POLE: variants seen among roughly 807,000 people sequenced by gnomAD.
The protein encoded by POLE is DNA polymerase epsilon, catalytic subunit, also known as DNA polymerase epsilon catalytic subunit A.
A neutral mutation model predicts 279.2 loss-of-function variants in POLE; 188 were observed. That is an observed-to-expected ratio of 0.67 (90% CI 0.60 to 0.76). POLE has a LOEUF of 0.76. Ranked by LOEUF, POLE falls within the 30% of genes least tolerant of loss-of-function variation. POLE has a pLI of 0.00. For missense variants in POLE, 2,703 were observed against 3,016.7 expected (o/e 0.90, Z 2.44); for synonymous variants, 1,214 against 1,172.5 (o/e 1.04, Z -0.72).
intron 45 of POLE, among the ~76,000 whole-genome samples, chr12:132,628,827 C>T (rs993176581): frequency 2.0e-5 from 3 of 152,214 alleles, no homozygotes; most frequent in East Asian, 1.9e-4. Flanking sequence ...TCTGCAGTCA[C>T]GCCTCCCACA....
At chr12:132,630,098 T>C (rs2041908337) in intron 45 of POLE, among the ~76,000 whole-genome samples, 1 of 152,202 alleles carries the variant, frequency 6.6e-6, no homozygotes, top group African/African-American at 2.4e-5. Context: ...GCACGGTTCA[T>C]GGCGCCCCAA....
intron 2 of POLE, 59 bp downstream of exon 2, chr12:132,681,079 C>T (rs951289177): frequency 2.3e-5 from 37 of 1,595,228 alleles, no homozygotes; most frequent in South Asian, 2.2e-4. Flanking sequence ...ATAAGGACCA[C>T]GCTATGACCA....
rs765593739 is a variant in POLE at position 132,677,622 on chromosome 12, C to T, written c.676G>A (p.Val226Ile). 1.2e-6 allele frequency: 2 copies of T among 1,614,208 alleles called. No individual in the cohort carries two copies. The highest frequency in any genetic ancestry group is 1.7e-6 in the Non-Finnish European group (2 of 1,180,032). Residue 226 changes from valine to isoleucine, a missense_variant, in exon 7 of 49, where the codon GTT becomes ATT. This residue lies in a region of POLE where 1,011 missense variants were observed against 1,111.7 expected (regional missense o/e 0.91). Coordinates refer to ENST00000320574, the MANE Select transcript of POLE (RefSeq NM_006231.4). ...DNIVDMREYDVPYHIRLSIDL... is the reference protein window; with the variant it reads ...DNIVDMREYDIPYHIRLSIDL... Reference sequence around the variant, plus strand: ...ATGGAGAGGCGGATGTGGTAGGGAACATCGTACTCGCGCATGTCCACAATG... The same window carrying T: ...ATGGAGAGGCGGATGTGGTAGGGAATATCGTACTCGCGCATGTCCACAATG...
At chr12:132,631,919 C>CAGAA (rs967056649) in intron 45 of POLE, among the ~76,000 whole-genome samples, 3 of 152,216 alleles carry the variant, frequency 2.0e-5, no homozygotes, top group African/African-American at 7.2e-5. Flanking sequence ...GGCCCTCTCC[C>CAGAA]TTCTCGGGTC....
At chr12:132,657,462 C>T in intron 27 of POLE, 33 bp from the exon 28 acceptor site, 2 of 1,587,336 alleles carry the variant, frequency 1.3e-6, no homozygotes. Flanking sequence ...CAGAGAACAG[C>T]AGGTGGCAGC....
At position 132,639,797 on chromosome 12, in the gene POLE, C is replaced by T. The variant is rs1480556216; in HGVS notation, c.5379-499G>A. Among the ~76,000 whole-genome samples, 1 of 152,080 alleles carries T rather than the reference C, an allele frequency of 6.6e-6. No individual in the cohort carries two copies. Among genetic ancestry groups the T allele is most frequent in the Non-Finnish European group, 1.5e-5 (1 of 68,006 alleles). The stretch of plus-strand genomic sequence containing the variant: ...TGAAACCCCGTCTCTATTAAAAATA[C>T]AAAAATTAGCTGGGCTAGTGCATGC... On this transcript the variant is annotated intron_variant, in intron 39 of 48. Coordinates refer to ENST00000320574, the MANE Select transcript of POLE (RefSeq NM_006231.4). This position sits in a 1 kb window ranked among gnomAD's most constrained non-coding sequence, Gnocchi z 4.7.
At chr12:132,670,462 T>C (rs2042899985) in intron 16 of POLE, among the ~76,000 whole-genome samples, 1 of 151,364 alleles carries the variant, frequency 6.6e-6, no homozygotes, top group Admixed American at 6.6e-5. Context: ...TTGGCCAGGC[T>C]GGTCTCAAAC....
intron 1 of POLE, among the ~76,000 whole-genome samples, chr12:132,686,458 G>A (rs575206778): frequency 6.6e-6 from 1 of 152,164 alleles, no homozygotes; most frequent in South Asian, 2.1e-4. Flanking sequence ...AGAAGGGCCG[G>A]GCGCGGAGTC....
rs1203076039 is a variant in POLE at position 132,623,845 on chromosome 12, G to A, written c.*852C>T. 2 of 195,794 alleles carry A rather than the reference G, an allele frequency of 1.0e-5. No homozygotes were observed. Among genetic ancestry groups the A allele is most frequent in the African/African-American group, 4.6e-5 (2 of 43,178 alleles). The allele number at this position is 195,794 out of a possible 1,614,324, so 12.1% of individuals were successfully genotyped here. On this transcript the variant is annotated 3_prime_UTR_variant, in exon 49 of 49. Coordinates refer to ENST00000320574, the MANE Select transcript of POLE (RefSeq NM_006231.4). ...TAGATGGCAGGGACAAACTAAGGCTGGCTCTGGGCCAAAGACACGAGCCTC... is the reference window on the plus strand; with the variant it reads ...TAGATGGCAGGGACAAACTAAGGCTAGCTCTGGGCCAAAGACACGAGCCTC...
At position 132,687,245 on chromosome 12, in the gene POLE, GC is replaced by G; in HGVS notation, c.62+8del. 1 of 1,479,506 alleles carries G rather than the reference GC, an allele frequency of 6.8e-7. No homozygotes were observed. 91.6% of individuals were successfully genotyped at this position (1,479,506 alleles called of 1,614,324 possible). On this transcript the variant is annotated splice_region_variant and intron_variant, in intron 1 of 48. Transcript: ENST00000320574. ...GCCGGCCCGAGAGCCTCAGGAGGGC[GC>G]CCCTCACCTGCTGGCCTCGCCATCC...
chr12:132,624,607 T>C lies in POLE; in HGVS notation c.*90A>G, dbSNP rs79419148. On this transcript the variant is annotated 3_prime_UTR_variant, in exon 49 of 49. Coordinates refer to ENST00000320574, the MANE Select transcript of POLE (RefSeq NM_006231.4). Reference sequence around the variant, plus strand: ...TCACAGGTTTGGACAGTCAGGGTGGTCAGTGGTCTGGTCACTGGAAGCACG... The same window carrying C: ...TCACAGGTTTGGACAGTCAGGGTGGCCAGTGGTCTGGTCACTGGAAGCACG... 5.5e-3 allele frequency: 4,461 copies of C among 807,432 alleles called. 101 individuals carry two copies. The African/African-American group carries it at 0.057, about 10-fold the overall frequency. 50.0% of individuals were successfully genotyped at this position (807,432 alleles called of 1,614,324 possible). A position where few individuals can be genotyped will look rare whatever the true frequency, so the allele number is the denominator to read the frequency against.
At chr12:132,645,921 A>C (rs1565942682) in intron 32 of POLE, among the ~76,000 whole-genome samples, 1 of 152,196 alleles carries the variant, frequency 6.6e-6, no homozygotes, top group African/African-American at 2.4e-5. Context: ...CACTGAAGGA[A>C]TCTAGATGAA....
intron 5 of POLE, 82 bp from the exon 6 acceptor site, chr12:132,679,733 A>G: frequency 6.7e-7 from 1 of 1,495,254 alleles, no homozygotes; most frequent in Non-Finnish European, 9.1e-7. Flanking sequence ...AAAGGTAAAC[A>G]CACAAGTCAA....
rs1483343976 is a variant in POLE, at chr12:132,625,784, G to A, written c.6532-14C>T. The stretch of plus-strand genomic sequence containing the variant: ...GACCGCCCCATCCTAGGCAGAGCAA[G>A]AGTGCGAGAGGTCACCAGCCCAGCC... On this transcript the variant is annotated splice_polypyrimidine_tract_variant and intron_variant, in intron 46 of 48. Coordinates refer to ENST00000320574, the MANE Select transcript of POLE (RefSeq NM_006231.4). The A allele has an allele frequency of 6.8e-6, 11 of 1,607,064 alleles. No individual in the cohort carries two copies. The highest frequency in any genetic ancestry group is 8.5e-6 in the Non-Finnish European group (10 of 1,179,382).
intron 16 of POLE, among the ~76,000 whole-genome samples, chr12:132,670,536 G>T (rs2042902090): frequency 6.6e-6 from 1 of 150,956 alleles, no homozygotes; most frequent in South Asian, 2.1e-4. Context: ...GGCTGCCCAG[G>T]CTGGAGTGTA....
chr12:132,672,198 GC>G lies in POLE; in HGVS notation c.1794+16del. The G allele has an allele frequency of 1.3e-6, 2 of 1,572,618 alleles. No individual in the cohort carries two copies. Among genetic ancestry groups the G allele is most frequent in the Non-Finnish European group, 1.8e-6 (2 of 1,142,140 alleles). ...CGCCAAACACAGACTGGCTCTTCCT[GC>G]CTCCCTGATGGTTACCTCTTCAAAG... On this transcript the variant is annotated intron_variant, in intron 16 of 48. Coordinates refer to ENST00000320574, the MANE Select transcript of POLE (RefSeq NM_006231.4).
intron 40 of POLE, 53 bp from the exon 41 acceptor site, chr12:132,638,192 A>G (rs2042073650): frequency 8.3e-6 from 13 of 1,565,470 alleles, no homozygotes; most frequent in Middle Eastern, 3.4e-4. Flanking sequence ...ATGGAGAGCC[A>G]GAGGGCACCC....
intron 29 of POLE, 34 bp downstream of exon 29, chr12:132,657,102 C>A (rs753702996): frequency 6.2e-6 from 10 of 1,610,734 alleles, no homozygotes; most frequent in Middle Eastern, 1.7e-4. Context: ...TCACAAGGAT[C>A]CCGCCCAGCC....
intron 32 of POLE, among the ~76,000 whole-genome samples, chr12:132,647,953 C>T (rs1020007133): frequency 1.3e-5 from 2 of 152,158 alleles, no homozygotes; most frequent in Admixed American, 6.5e-5. Flanking sequence ...TGGCTGGAAT[C>T]GAGTTTCACC....
Sources: gnomAD v4.1 joint callset for allele counts (sites outside exome capture counted in the v4.1 genomes callset) on GRCh38, gnomAD v4.1.1 for gene constraint, gnomAD v4.1.1 regional missense constraint, Gnocchi (gnomAD v3.1) non-coding constraint, MANE v1.5 for transcripts, NCBI Gene and HGNC (gene_info 2026-07-23, HGNC 2026-07-21) for gene names.